PCDHGA11: variants seen among roughly 807,000 people sequenced by gnomAD.
PCDHGA11 encodes protocadherin gamma-A11.
A neutral mutation model predicts 60.4 loss-of-function variants in PCDHGA11; 39 were observed. That is an observed-to-expected ratio of 0.65 (90% confidence interval 0.50 to 0.84). The LOEUF (loss-of-function observed/expected upper bound fraction) is 0.84, where lower values mean the gene tolerates loss of function less well. Among genes scored for constraint, PCDHGA11 ranks in the 40% least tolerant of loss-of-function variants. The probability of loss-of-function intolerance (pLI) is 0.00; values close to 1 mark genes in which losing one functional copy is unlikely to be tolerated. For missense variants in PCDHGA11, 1,165 were observed against 1,197.7 expected (o/e 0.97, Z 0.40); for synonymous variants, 533 against 510.3 (o/e 1.04, Z -0.60).
intron 2 of PCDHGA11, 103 bp from the exon 3 acceptor site, chr5:141,505,290 G>A: frequency 3.2e-6 from 5 of 1,564,680 alleles, no homozygotes; most frequent in Non-Finnish European, 4.3e-6. Context: ...TTGGGCATGG[G>A]GTAGGGTTAG....
At chr5:141,483,122 A>G (rs1159736878) in intron 1 of PCDHGA11, among the ~76,000 whole-genome samples, 1 of 152,166 alleles carries the variant, frequency 6.6e-6, no homozygotes, top group Non-Finnish European at 1.5e-5. Context: ...CAGTCTTTGT[A>G]GGAGATGAGG....
chr5:141,466,969 C>T (rs2099133068), intron 1 of PCDHGA11, among the ~76,000 whole-genome samples: 1 of 152,068 alleles, frequency 6.6e-6, no homozygotes, highest in African/African-American at 2.4e-5. Flanking sequence ...TATTTTCTCA[C>T]AGCTCATCAT....
At position 141,422,206 on chromosome 5, in the gene PCDHGA11, G is replaced by C. The variant is rs1269700250; in HGVS notation, c.979G>C (p.Gly327Arg). The C allele has an allele frequency of 1.3e-6, 2 of 1,562,442 alleles. No individual in the cohort carries two copies. Among genetic ancestry groups the C allele is most frequent in the East Asian group, 4.5e-5 (2 of 44,628 alleles). The change falls in exon 1 of 4, where the codon GGT becomes CGT. Residue 327 changes from glycine (G) to arginine (R), a missense_variant. Physicochemically the swap from Gly to Arg is moderately radical, Grantham distance 125. Coordinates refer to ENST00000398587, the MANE Select transcript of PCDHGA11 (RefSeq NM_018914.3). ...GGAAATTCAAGGCCAAGATGGTGGA[G>C]GTCTCTTTACCACCACGACGATGTT... is the stretch of plus-strand genomic sequence containing the variant. ...EMEIQGQDGG[G>R]LFTTTTMLIT...
In PCDHGA11 at chr5:141,432,220, C is replaced by A. The variant is rs949257429; in HGVS notation, c.2433+8560C>A. ...CCGACTGTGAAGAGAACGCCCAGAT[C>A]ACTTATTCCCTGGCTGAGAACACCA... On this transcript the variant is annotated intron_variant, in intron 1 of 3. Coordinates refer to ENST00000398587, the MANE Select transcript of PCDHGA11 (RefSeq NM_018914.3). This position sits in a 1 kb window ranked among gnomAD's most constrained non-coding sequence, Gnocchi z 6.0. The A allele has an allele frequency of 2.5e-6, 4 of 1,614,246 alleles. No homozygotes were observed. The highest frequency in any genetic ancestry group is 1.6e-4 in the Middle Eastern group (1 of 6,062).
chr5:141,432,137 T>A lies in PCDHGA11; in HGVS notation c.2433+8477T>A. On this transcript the variant is annotated intron_variant, in intron 1 of 3. Coordinates refer to ENST00000398587, the MANE Select transcript of PCDHGA11 (RefSeq NM_018914.3). The surrounding 1 kb of genome is among the most constrained non-coding windows in gnomAD (Gnocchi z 6.0). ...CTTCCCTCAGGCCTCCTATTCCGCT[T>A]ATATCCCAGAGAACAATCCCAGAGG... 6.2e-7 allele frequency: 1 copy of A among 1,613,964 alleles called. No homozygotes were observed. Among genetic ancestry groups the A allele is most frequent in the Non-Finnish European group, 8.5e-7 (1 of 1,179,984 alleles).
At chr5:141,453,959 C>A (rs919037104) in intron 1 of PCDHGA11, among the ~76,000 whole-genome samples, 1 of 152,182 alleles carries the variant, frequency 6.6e-6, no homozygotes, top group African/African-American at 2.4e-5. Flanking sequence ...GCACAGACAG[C>A]AAAGCATGTA....
At position 141,432,289 on chromosome 5, in the gene PCDHGA11, C is replaced by A. The variant is rs762278053; in HGVS notation, c.2433+8629C>A. 2 of 1,614,148 alleles carry A rather than the reference C, an allele frequency of 1.2e-6. No individual in the cohort carries two copies. Among genetic ancestry groups the A allele is most frequent in the African/African-American group, 2.7e-5 (2 of 74,952 alleles). On this transcript the variant is annotated intron_variant, in intron 1 of 3. Coordinates refer to ENST00000398587, the MANE Select transcript of PCDHGA11 (RefSeq NM_018914.3). The surrounding 1 kb of genome is among the most constrained non-coding windows in gnomAD (Gnocchi z 6.0). ...CGTCCTACGTGTCCATCAACTCCGA[C>A]ACTGGGGTACTGTATGCGCTGAGCT...
chr5:141,485,561 G>A lies in PCDHGA11; in HGVS notation c.2434-9246G>A. 1.9e-6 allele frequency: 3 copies of A among 1,613,008 alleles called. No homozygotes were observed. The highest frequency in any genetic ancestry group is 1.1e-5 in the South Asian group (1 of 91,026). ...AGAGATCGTAGATGTGAATGATCACGCCCCCCGTTTTCCGCGGCAGCAGCT... is the reference window on the plus strand; with the variant it reads ...AGAGATCGTAGATGTGAATGATCACACCCCCCGTTTTCCGCGGCAGCAGCT... On this transcript the variant is annotated intron_variant, in intron 1 of 3. Transcript: ENST00000398587. The surrounding 1 kb of genome is among the most constrained non-coding windows in gnomAD (Gnocchi z 5.7).
At chr5:141,502,441 GAT>G (rs2099814262) in intron 2 of PCDHGA11, among the ~76,000 whole-genome samples, 1 of 152,000 alleles carries the variant, frequency 6.6e-6, no homozygotes, top group Non-Finnish European at 1.5e-5. Flanking sequence ...GTTAGATTCA[GAT>G]TACACACCTT....
At chr5:141,426,678 T>C (rs2096951425) in intron 1 of PCDHGA11, 2 of 431,490 alleles carry the variant, frequency 4.6e-6, no homozygotes, top group Admixed American at 5.1e-5. Flanking sequence ...CCCACCTCAT[T>C]TTCCCCAAAA....
At chr5:141,495,015 G>C in intron 2 of PCDHGA11, 150 bp downstream of exon 2, 2 of 1,507,428 alleles carry the variant, frequency 1.3e-6, no homozygotes, top group East Asian at 4.9e-5. Flanking sequence ...CGGGGGGCTG[G>C]CACACAGACC....
At chr5:141,466,348 G>A (rs2099120992) in intron 1 of PCDHGA11, among the ~76,000 whole-genome samples, 2 of 151,876 alleles carry the variant, frequency 1.3e-5, no homozygotes, top group Admixed American at 6.6e-5. Context: ...TTTTTTTGCA[G>A]CTAATCTAGA....
intron 2 of PCDHGA11, among the ~76,000 whole-genome samples, chr5:141,503,800 C>T (rs756250566): frequency 1.3e-5 from 2 of 151,994 alleles, no homozygotes; most frequent in South Asian, 2.1e-4. Flanking sequence ...TACTTAGGGA[C>T]GGGGAATCCC....
chr5:141,450,386 A>T (rs1208546397), intron 1 of PCDHGA11, among the ~76,000 whole-genome samples: 2 of 152,192 alleles, frequency 1.3e-5, no homozygotes, highest in Non-Finnish European at 2.9e-5. Flanking sequence ...TGAAACTGAC[A>T]TTTGTAAAGA....
chr5:141,448,211 T>TA (rs2098575794), intron 1 of PCDHGA11, among the ~76,000 whole-genome samples: 1 of 152,212 alleles, frequency 6.6e-6, no homozygotes, highest in East Asian at 1.9e-4. Flanking sequence ...TTTCTGTGTG[T>TA]ATGCGAATGT....
rs758254144 is a variant in PCDHGA11, at chr5:141,422,122, A to G, written c.895A>G (p.Thr299Ala). Residue 299 changes from threonine to alanine, a missense_variant, in exon 1 of 4, where the codon ACT becomes GCT. By Grantham distance (58) the Thr-to-Ala change is moderately conservative. Transcript: ENST00000398587. ...ASEIFQLDSQTGEVQVRGSLD... is the reference protein window; with the variant it reads ...ASEIFQLDSQAGEVQVRGSLD... ...TGAAATATTCCAATTGGATTCACAA[A>G]CTGGAGAAGTTCAAGTACGGGGGTC... The G allele has an allele frequency of 6.2e-7, 1 of 1,601,596 alleles. No homozygotes were observed. Among genetic ancestry groups the G allele is most frequent in the African/African-American group, 1.4e-5 (1 of 74,054 alleles).
Position 141,505,388 on chromosome 5 carries a change from C to T in PCDHGA11, c.2493-5C>T, listed in dbSNP as rs756505223. ...TCTGTGCTCACCATCCTACTCTCTCCCCAGCTCCCAAAATGGCGATGACAC... is the reference window on the plus strand; with the variant it reads ...TCTGTGCTCACCATCCTACTCTCTCTCCAGCTCCCAAAATGGCGATGACAC... On this transcript the variant is annotated splice_polypyrimidine_tract_variant and splice_region_variant and intron_variant, in intron 2 of 3. Transcript: ENST00000398587. The T allele has an allele frequency of 6.2e-7, 1 of 1,613,972 alleles. No homozygotes were observed. The highest frequency in any genetic ancestry group is 2.2e-5 in the East Asian group (1 of 44,886).
Position 141,477,167 on chromosome 5 carries a change from G to C in PCDHGA11, c.2434-17640G>C. The C allele has an allele frequency of 6.2e-7, 1 of 1,614,166 alleles. No individual in the cohort carries two copies. Among genetic ancestry groups the C allele is most frequent in the South Asian group, 1.1e-5 (1 of 91,076 alleles). ...TGTGGATGTGAATGACAACGCCCCG[G>C]AGATCACAGTCACCTCCGTGTACAG... On this transcript the variant is annotated intron_variant, in intron 1 of 3. Coordinates refer to ENST00000398587, the MANE Select transcript of PCDHGA11 (RefSeq NM_018914.3). The surrounding 1 kb of genome is among the most constrained non-coding windows in gnomAD (Gnocchi z 4.9).
intron 1 of PCDHGA11, among the ~76,000 whole-genome samples, chr5:141,473,017 AGAAG>A (rs1484773075): frequency 7.0e-4 from 107 of 151,874 alleles, no homozygotes; most frequent in Middle Eastern, 3.4e-3. Flanking sequence ...AGAAAAAGAA[AGAAG>A]GAAGGAAGGA....
Sources: gnomAD v4.1 joint callset for allele counts (sites outside exome capture counted in the v4.1 genomes callset) on GRCh38, gnomAD v4.1.1 for gene constraint, Gnocchi (gnomAD v3.1) non-coding constraint, MANE v1.5 for transcripts, NCBI Gene and HGNC (gene_info 2026-07-23, HGNC 2026-07-21) for gene names.